ZBTB38: variants seen among roughly 807,000 people sequenced by gnomAD.
The protein encoded by ZBTB38 is zinc finger and BTB domain-containing protein 38.
In ZBTB38, 20 loss-of-function variants were observed where a neutral mutation model predicts 76.8. That is an observed-to-expected ratio of 0.26 (90% CI 0.18 to 0.38). The LOEUF is 0.38. ZBTB38 is among the 10% of genes least tolerant of loss of function. ZBTB38 has a pLI of 1.00. For missense variants in ZBTB38, 1,082 were observed against 1,482.3 expected (o/e 0.73, Z 4.43); for synonymous variants, 504 against 544.2 (o/e 0.93, Z 1.03).
Position 141,437,356 on chromosome 3 carries a change from C to T in ZBTB38, c.1-5033C>T, listed in dbSNP as rs997174257. ...ACCACGTCCTTCTGCCTCCCTTACT[C>T]TCTGTTGAACTCCCATACCTTTTCC... is the stretch of plus-strand genomic sequence containing the variant. On this transcript the variant is annotated intron_variant, in intron 5 of 5. Coordinates refer to ENST00000321464, the MANE Select transcript of ZBTB38 (RefSeq NM_001376113.1). 1.6e-4 allele frequency among the ~76,000 whole-genome samples: 25 copies of T among 152,310 alleles called. 1 individual carries two copies. The South Asian group carries it at 4.4e-3, about 27-fold the overall frequency.
At chr3:141,380,532 A>C (rs960858764) in intron 2 of ZBTB38, among the ~76,000 whole-genome samples, 1 of 152,190 alleles carries the variant, frequency 6.6e-6, no homozygotes, top group African/African-American at 2.4e-5. Context: ...TGAGGATCCC[A>C]CTGGTAGTGG....
intron 1 of ZBTB38, among the ~76,000 whole-genome samples, chr3:141,342,995 T>C (rs973349735): frequency 6.6e-5 from 10 of 152,104 alleles, no homozygotes; most frequent in South Asian, 4.1e-4. Context: ...TCCATCTCCA[T>C]TGAGATCAAA....
intron 5 of ZBTB38, among the ~76,000 whole-genome samples, chr3:141,409,355 A>AT (rs553780360): frequency 1.1e-3 from 164 of 152,056 alleles, no homozygotes; most frequent in Non-Finnish European, 1.6e-3. Flanking sequence ...CTGAGGTGAG[A>AT]TTTTTACACC....
chr3:141,329,560 A>C (rs1269025692), intron 1 of ZBTB38, among the ~76,000 whole-genome samples: 1 of 152,252 alleles, frequency 6.6e-6, no homozygotes, highest in African/African-American at 2.4e-5. Context: ...ACAAAGAATT[A>C]TATTTCTAGG....
intron 5 of ZBTB38, among the ~76,000 whole-genome samples, chr3:141,406,434 C>T (rs776951962): frequency 6.6e-6 from 1 of 152,202 alleles, no homozygotes; most frequent in Admixed American, 6.5e-5. Context: ...AGTGAAGGAA[C>T]AGCTAAAGCT....
intron 5 of ZBTB38, among the ~76,000 whole-genome samples, chr3:141,429,375 G>A (rs1174522506): frequency 2.0e-5 from 3 of 152,102 alleles, no homozygotes; most frequent in Non-Finnish European, 4.4e-5. Context: ...TTGGGGGATC[G>A]TGAGTGCAGG....
At chr3:141,424,939 T>G (rs1263509893) in intron 5 of ZBTB38, among the ~76,000 whole-genome samples, 1 of 152,252 alleles carries the variant, frequency 6.6e-6, no homozygotes. Context: ...GAAGCTTGAT[T>G]TTTATGCCAG....
In ZBTB38 at chr3:141,427,191, T is replaced by C. The variant is rs1006298406; in HGVS notation, c.1-15198T>C. ...TTCAGTAAAGGTTTATTAACAATTATTATGTGGCAGTTGCAGGGCTGAGTG... is the reference window on the plus strand; with the variant it reads ...TTCAGTAAAGGTTTATTAACAATTACTATGTGGCAGTTGCAGGGCTGAGTG... On this transcript the variant is annotated intron_variant, in intron 5 of 5. Transcript: ENST00000321464. 1.8e-4 allele frequency among the ~76,000 whole-genome samples: 28 copies of C among 152,306 alleles called. 1 individual carries two copies. The East Asian group carries it at 3.1e-3, about 17-fold the overall frequency.
At chr3:141,347,519 G>A (rs1275026037) in intron 1 of ZBTB38, among the ~76,000 whole-genome samples, 2 of 152,148 alleles carry the variant, frequency 1.3e-5, no homozygotes, top group East Asian at 3.8e-4. Context: ...GGCCTGTTTG[G>A]TTTCAGACTC....
chr3:141,418,343 C>T (rs2074552405), intron 5 of ZBTB38, among the ~76,000 whole-genome samples: 2 of 152,212 alleles, frequency 1.3e-5, no homozygotes, highest in South Asian at 2.1e-4. Flanking sequence ...TTGCTTAGAC[C>T]TCTGCCTACA....
chr3:141,335,056 C>A (rs185684407), intron 1 of ZBTB38, among the ~76,000 whole-genome samples: 5 of 152,290 alleles, frequency 3.3e-5, no homozygotes, highest in Middle Eastern at 3.4e-3. Flanking sequence ...GCCGACACTA[C>A]CGCTTCTGCT....
intron 5 of ZBTB38, among the ~76,000 whole-genome samples, chr3:141,420,049 T>G (rs1214578214): frequency 6.6e-6 from 1 of 152,130 alleles, no homozygotes; most frequent in Non-Finnish European, 1.5e-5. Context: ...TGTTTTTGTC[T>G]TTGTTCTGTG....
intron 1 of ZBTB38, among the ~76,000 whole-genome samples, chr3:141,359,553 T>C (rs951019936): frequency 1.3e-5 from 2 of 152,212 alleles, no homozygotes; most frequent in African/African-American, 4.8e-5. Flanking sequence ...AGTAGAGCAT[T>C]CTTAGTCCAG....
chr3:141,408,063 G>A (rs1287982372), intron 5 of ZBTB38, among the ~76,000 whole-genome samples: 3 of 152,274 alleles, frequency 2.0e-5, no homozygotes, highest in Admixed American at 2.0e-4. Context: ...CAAAACCATT[G>A]TAACTTGTTT....
At chr3:141,333,532 C>A (rs989142029) in intron 1 of ZBTB38, among the ~76,000 whole-genome samples, 1 of 152,132 alleles carries the variant, frequency 6.6e-6, no homozygotes, top group Non-Finnish European at 1.5e-5. Flanking sequence ...CCAGGCACAG[C>A]CCCTGCTGGG....
Position 141,447,626 on chromosome 3 carries a change from G to A in ZBTB38, c.*1650G>A, listed in dbSNP as rs981833279. 2 of 152,356 alleles carry A rather than the reference G, an allele frequency of 1.3e-5. No individual in the cohort carries two copies. Among genetic ancestry groups the A allele is most frequent in the African/African-American group, 4.8e-5 (2 of 41,450 alleles). The allele number at this position is 152,356 out of a possible 1,614,324, so 9.4% of individuals were successfully genotyped here. ...GACCTGCAGTCATTCATGTTCATTGGATTTGACAGATGGAAACCCAAGGTT... is the reference window on the plus strand; with the variant it reads ...GACCTGCAGTCATTCATGTTCATTGAATTTGACAGATGGAAACCCAAGGTT... On this transcript the variant is annotated 3_prime_UTR_variant, in exon 6 of 6. Transcript: ENST00000321464.
upstream of ZBTB38, among the ~76,000 whole-genome samples, chr3:141,365,640 T>C (rs969531297): frequency 1.3e-5 from 2 of 152,210 alleles, no homozygotes; most frequent in African/African-American, 4.8e-5. Flanking sequence ...AACCATATAT[T>C]GTATGATTCC....
At chr3:141,348,609 C>T (rs543397341) in intron 1 of ZBTB38, among the ~76,000 whole-genome samples, 3 of 152,260 alleles carry the variant, frequency 2.0e-5, no homozygotes, top group East Asian at 3.9e-4. Flanking sequence ...CTACCATTTC[C>T]TTTCTTCCCT....
At chr3:141,396,461 A>T in intron 4 of ZBTB38, 1 of 168,548 alleles carries the variant, frequency 5.9e-6, no homozygotes, top group Non-Finnish European at 1.3e-5. Context: ...GAATCTCTCA[A>T]AGTCATCCAT....
Sources: allele counts gnomAD v4.1 joint callset (sites outside exome capture counted in the v4.1 genomes callset), GRCh38; gene constraint gnomAD v4.1.1; transcripts MANE v1.5; gene names NCBI Gene and HGNC (gene_info 2026-07-23, HGNC 2026-07-21).